The following SLC5A4 variants were observed in gnomAD, a reference collection of about 807,000 sequenced individuals.
SLC5A4 encodes the protein solute carrier family 5 member 4, also known as probable glucose sensor protein SLC5A4.
SLC5A4 carries 55 observed loss-of-function variants against 70.3 expected under a neutral mutation model. The ratio of observed to expected loss-of-function variants is 0.78; its 90% confidence interval spans 0.63 to 0.98. The LOEUF is 0.98. SLC5A4 is among the 50% of genes least tolerant of loss of function. SLC5A4 has a pLI of 0.00. For missense variants in SLC5A4, 735 were observed against 839.2 expected (o/e 0.88, Z 1.53); for synonymous variants, 268 against 305.7 (o/e 0.88, Z 1.29).
At chr22:32,347,795 T>C in the SLC5A4 span, among the ~76,000 whole-genome samples, 1 of 151,878 alleles carries the variant, frequency 6.6e-6, no homozygotes, top group South Asian at 2.1e-4. Context: ...ACATGGTACA[T>C]GTATACACAT....
At chr22:32,317,373 C>G in the SLC5A4 span, among the ~76,000 whole-genome samples, 2 of 152,054 alleles carry the variant, frequency 1.3e-5, no homozygotes, top group Non-Finnish European at 2.9e-5. Flanking sequence ...GAAAGACATA[C>G]AATAGCAATA....
the SLC5A4 span, among the ~76,000 whole-genome samples, chr22:32,301,476 A>G: frequency 6.6e-6 from 1 of 152,232 alleles, no homozygotes; most frequent in African/African-American, 2.4e-5. Flanking sequence ...TATAAAACTT[A>G]TAACCTGAAA....
rs554727700 is a variant in SLC5A4, at chr22:32,235,513, G to T, written c.665-420C>A. On this transcript the variant is annotated intron_variant, in intron 7 of 14. Coordinates refer to ENST00000266086, the MANE Select transcript of SLC5A4 (RefSeq NM_014227.3). ...CTCTGAAAAAGATCAGGAGGCAAAGGCCTCTCTTCTTGACCCAGAGCTTGG... is the reference window on the plus strand; with the variant it reads ...CTCTGAAAAAGATCAGGAGGCAAAGTCCTCTCTTCTTGACCCAGAGCTTGG... Among the ~76,000 whole-genome samples the T allele has an allele frequency of 5.9e-5, 9 of 152,216 alleles. No individual in the cohort carries two copies. The South Asian group carries it at 1.2e-3, about 21-fold the overall frequency.
chr22:32,277,758 C>T, the SLC5A4 span, among the ~76,000 whole-genome samples: 1 of 152,138 alleles, frequency 6.6e-6, no homozygotes, highest in South Asian at 2.1e-4. Flanking sequence ...CCGTGTTAGC[C>T]AAGATGGTCT....
At chr22:32,307,763 G>A in the SLC5A4 span, among the ~76,000 whole-genome samples, 2 of 152,238 alleles carry the variant, frequency 1.3e-5, no homozygotes, top group Non-Finnish European at 2.9e-5. Flanking sequence ...GGAGGGGACA[G>A]GGCATGGCCC....
At chr22:32,259,088 T>C (rs934463492), upstream of SLC5A4, among the ~76,000 whole-genome samples, 1 of 152,174 alleles carries the variant, frequency 6.6e-6, no homozygotes, top group African/African-American at 2.4e-5. Context: ...AATGGAGAGT[T>C]GCTAATTAAC....
the SLC5A4 span, chr22:32,270,751 A>T: frequency 4.1e-5 from 26 of 627,440 alleles, no homozygotes; most frequent in South Asian, 3.9e-4. Context: ...CATGCAGTGC[A>T]CTGTAGGCAA....
the SLC5A4 span, among the ~76,000 whole-genome samples, chr22:32,286,787 A>C: frequency 6.6e-6 from 1 of 152,356 alleles, no homozygotes; most frequent in East Asian, 1.9e-4. Flanking sequence ...AAAGCCTTAC[A>C]AGAAATAAGT....
At chr22:32,348,530 G>A in the SLC5A4 span, among the ~76,000 whole-genome samples, 74 of 152,322 alleles carry the variant, frequency 4.9e-4, no homozygotes, top group African/African-American at 1.7e-3. Context: ...CCAGACCCCA[G>A]AGAGAGCTCT....
the SLC5A4 span, among the ~76,000 whole-genome samples, chr22:32,286,220 TA>T: frequency 6.6e-6 from 1 of 152,246 alleles, no homozygotes; most frequent in Non-Finnish European, 1.5e-5. Flanking sequence ...TACTCACATA[TA>T]TTTTATATTC....
chr22:32,218,807 C>T, intron 14 of SLC5A4, 82 bp from the exon 15 acceptor site: 1 of 960,410 alleles, frequency 1.0e-6, no homozygotes, highest in Non-Finnish European at 1.6e-6. Flanking sequence ...GTACCTATGA[C>T]TGTAAAAAAT....
At chr22:32,309,780 TAAG>T in the SLC5A4 span, among the ~76,000 whole-genome samples, 19 of 152,112 alleles carry the variant, frequency 1.2e-4, no homozygotes, top group African/African-American at 2.4e-4. Flanking sequence ...ATTTGACAGA[TAAG>T]AAGCAGAGGC....
At chr22:32,309,655 A>C in the SLC5A4 span, among the ~76,000 whole-genome samples, 1 of 151,912 alleles carries the variant, frequency 6.6e-6, no homozygotes, top group East Asian at 1.9e-4. Context: ...GGGATTGAAT[A>C]CACACACACA....
At chr22:32,343,780 A>G in the SLC5A4 span, among the ~76,000 whole-genome samples, 1 of 152,224 alleles carries the variant, frequency 6.6e-6, no homozygotes, top group Non-Finnish European at 1.5e-5. Context: ...AAGTCATGCA[A>G]AATAAAACAA....
At chr22:32,222,614 T>C (rs1925149436) in intron 13 of SLC5A4, among the ~76,000 whole-genome samples, 1 of 152,152 alleles carries the variant, frequency 6.6e-6, no homozygotes. Flanking sequence ...CTATGATATG[T>C]TTTCTAGTGT....
chr22:32,323,000 G>C, the SLC5A4 span, among the ~76,000 whole-genome samples: 1 of 152,070 alleles, frequency 6.6e-6, no homozygotes, highest in Non-Finnish European at 1.5e-5. Flanking sequence ...CTTCAGGAAT[G>C]CAATTGTAAC....
At chr22:32,345,471 T>G in the SLC5A4 span, among the ~76,000 whole-genome samples, 2 of 152,224 alleles carry the variant, frequency 1.3e-5, no homozygotes, top group Admixed American at 1.3e-4. Flanking sequence ...TGCAAGTTTT[T>G]TTCTTTAAAA....
intron 1 of SLC5A4, among the ~76,000 whole-genome samples, chr22:32,254,776 C>T (rs1927376556): frequency 6.6e-6 from 1 of 151,606 alleles, no homozygotes; most frequent in Admixed American, 6.6e-5. Flanking sequence ...TGCACTCCAG[C>T]CTGGACGACA....
chr22:32,221,576 T>C (rs1925081959), intron 13 of SLC5A4, among the ~76,000 whole-genome samples: 1 of 152,212 alleles, frequency 6.6e-6, no homozygotes, highest in Admixed American at 6.5e-5. Flanking sequence ...TTATGCTTTA[T>C]ATAATTATTA....
Sources: gnomAD v4.1 joint callset for allele counts (sites outside exome capture counted in the v4.1 genomes callset) on GRCh38, gnomAD v4.1.1 for gene constraint, MANE v1.5 for transcripts, NCBI Gene and HGNC (gene_info 2026-07-23, HGNC 2026-07-21) for gene names.